Variants in RGS6 observed in about 807,000 individuals in gnomAD.
RGS6 encodes regulator of G protein signaling 6, also known as regulator of G-protein signaling 6.
A neutral mutation model predicts 78.5 loss-of-function variants in RGS6; 30 were observed. That is an observed-to-expected ratio of 0.38 (90% CI 0.29 to 0.52). The LOEUF (loss-of-function observed/expected upper bound fraction) is 0.52. Ranked by LOEUF, RGS6 falls within the 20% of genes least tolerant of loss-of-function variation. The pLI is 0.85. For synonymous variants in RGS6, 206 were observed against 206.0 expected, an observed-to-expected ratio of 1.00 and a Z score of 0.00; for missense variants, 495 against 609.7, an observed-to-expected ratio of 0.81 and a Z score of 1.98.
intron 2 of RGS6, among the ~76,000 whole-genome samples, chr14:72,231,667 A>G (rs1297105833): frequency 6.6e-6 from 1 of 152,262 alleles, no homozygotes; most frequent in African/African-American, 2.4e-5. Context: ...GTAGGATGCT[A>G]GACTTATAAG....
chr14:71,969,292 T>C (rs1018214021), intron 2 of RGS6, among the ~76,000 whole-genome samples: 4 of 152,206 alleles, frequency 2.6e-5, no homozygotes, highest in Admixed American at 2.0e-4. Flanking sequence ...GCTTCTTCGG[T>C]AAAGATTTTC....
At chr14:72,085,853 CAAAAAAA>C (rs35951230) in intron 2 of RGS6, among the ~76,000 whole-genome samples, 1 of 72,740 alleles carries the variant, frequency 1.4e-5, no homozygotes, top group Non-Finnish European at 2.4e-5. Flanking sequence ...GACACCATCT[CAAAAAAA>C]AAAAAAAAAA....
intron 3 of RGS6, among the ~76,000 whole-genome samples, chr14:72,408,328 T>A (rs1358822673): frequency 6.6e-6 from 1 of 152,192 alleles, no homozygotes; most frequent in East Asian, 1.9e-4. Context: ...AACTTAAAAA[T>A]TTTTTATGAT....
At chr14:72,278,633 A>G (rs568905935) in intron 2 of RGS6, among the ~76,000 whole-genome samples, 1 of 152,308 alleles carries the variant, frequency 6.6e-6, no homozygotes, top group South Asian at 2.1e-4. Context: ...ATATACTTAG[A>G]AATAAATACG....
chr14:72,547,380 C>T (rs542099442), intron 17 of RGS6: 36 of 1,408,248 alleles, frequency 2.6e-5, no homozygotes, highest in Middle Eastern at 1.8e-4. Flanking sequence ...AAGACCCCCC[C>T]CCGACCCATG....
At chr14:72,108,527 G>A (rs75336292) in intron 2 of RGS6, among the ~76,000 whole-genome samples, 4,448 of 151,826 alleles carry the variant, frequency 0.029, 79 homozygotes, top group East Asian at 0.076. Flanking sequence ...GCCTTCTTTA[G>A]AGACTCCTGT....
chr14:72,163,818 G>T (rs1040038701), intron 2 of RGS6, among the ~76,000 whole-genome samples: 9 of 151,518 alleles, frequency 5.9e-5, no homozygotes. Flanking sequence ...GGGAGGCAAT[G>T]GTTGCAGTGA....
At chr14:72,288,389 T>C (rs1335828621) in intron 2 of RGS6, among the ~76,000 whole-genome samples, 1 of 152,242 alleles carries the variant, frequency 6.6e-6, no homozygotes, top group Non-Finnish European at 1.5e-5. Context: ...GATCCAGTGC[T>C]GGAAACTTTA....
intron 3 of RGS6, among the ~76,000 whole-genome samples, chr14:72,428,333 A>ATTAGT (rs570134148): frequency 6.1e-4 from 93 of 152,178 alleles, no homozygotes; most frequent in African/African-American, 2.2e-3. Context: ...GGATCAGAGG[A>ATTAGT]TGGATGGATG....
chr14:72,330,837 T>A (rs896410388), intron 2 of RGS6, among the ~76,000 whole-genome samples: 4 of 152,180 alleles, frequency 2.6e-5, no homozygotes, highest in African/African-American at 9.6e-5. Flanking sequence ...GCAGAGATTT[T>A]TTTTTTCTGA....
At chr14:71,903,742 A>G in the RGS6 span, among the ~76,000 whole-genome samples, 1 of 152,388 alleles carries the variant, frequency 6.6e-6, no homozygotes, top group South Asian at 2.1e-4. Context: ...ACTTCTAAAT[A>G]TAGTGAGACT....
intron 2 of RGS6, among the ~76,000 whole-genome samples, chr14:71,998,286 G>A (rs1595869265): frequency 6.6e-6 from 1 of 152,190 alleles, no homozygotes; most frequent in Non-Finnish European, 1.5e-5. Context: ...GCAGAGGGAT[G>A]ACTTTGACTA....
intron 2 of RGS6, among the ~76,000 whole-genome samples, chr14:72,039,277 T>C (rs1207296918): frequency 6.6e-6 from 1 of 152,194 alleles, no homozygotes; most frequent in Non-Finnish European, 1.5e-5. Flanking sequence ...GTCCTTGTCC[T>C]GTACCCGCAA....
intron 2 of RGS6, among the ~76,000 whole-genome samples, chr14:72,335,331 A>G (rs990412472): frequency 6.6e-6 from 1 of 152,020 alleles, no homozygotes; most frequent in Non-Finnish European, 1.5e-5. Context: ...GACTGCCCCC[A>G]TCCCTGTTTG....
upstream of RGS6, among the ~76,000 whole-genome samples, chr14:71,931,016 A>G (rs1417627636): frequency 1.6e-5 from 2 of 124,726 alleles, no homozygotes; most frequent in East Asian, 2.1e-4. Context: ...AAAAAAAAAA[A>G]AGCAGAGCTC....
At chr14:72,452,387 A>G (rs2095518447) in intron 3 of RGS6, among the ~76,000 whole-genome samples, 1 of 152,150 alleles carries the variant, frequency 6.6e-6, no homozygotes, top group Non-Finnish European at 1.5e-5. Flanking sequence ...CAAAATTGCA[A>G]GGCTGTGTCG....
At chr14:71,923,395 T>G in the RGS6 span, among the ~76,000 whole-genome samples, 1 of 152,128 alleles carries the variant, frequency 6.6e-6, no homozygotes, top group Admixed American at 6.5e-5. Context: ...AGAAGTATGA[T>G]AGTTATCAAA....
rs145104565 is a variant in RGS6 at position 72,215,444 on chromosome 14, C to T, written c.85-136651C>T. Among the ~76,000 whole-genome samples the T allele has an allele frequency of 8.7e-3, 1,320 of 152,312 alleles. 5 individuals are homozygous for T. The highest frequency in any genetic ancestry group is 0.013 in the Non-Finnish European group (868 of 68,030). On this transcript the variant is annotated intron_variant, in intron 2 of 17. Coordinates refer to ENST00000553525, the MANE Select transcript of RGS6 (RefSeq NM_001204424.2). ...TTGAACATAAATTTAATTTCCTCAG[C>T]AAGGCCATTTTTTTTACTTTCTGCA...
intron 3 of RGS6, among the ~76,000 whole-genome samples, chr14:72,387,409 T>C (rs536256166): frequency 0.018 from 2,751 of 151,824 alleles, 92 homozygotes; most frequent in African/African-American, 0.064. Flanking sequence ...ATTAGCCAGG[T>C]ATGGTGGCGG....
Sources: allele counts gnomAD v4.1 joint callset (sites outside exome capture counted in the v4.1 genomes callset), GRCh38; gene constraint gnomAD v4.1.1; transcripts MANE v1.5; gene names NCBI Gene and HGNC (gene_info 2026-07-23, HGNC 2026-07-21).